Variants in GLI3 observed in about 807,000 individuals in gnomAD.
GLI3 encodes GLI family zinc finger 3.
Under a neutral mutation model 100.8 loss-of-function variants are expected in GLI3, and 20 were observed. That is an observed-to-expected ratio of 0.20 (90% CI 0.14 to 0.29). The LOEUF is 0.29. Among genes scored for constraint, GLI3 ranks in the 10% least tolerant of loss-of-function variants. GLI3 has a pLI of 1.00. For synonymous variants in GLI3, 938 were observed against 860.5 expected (o/e 1.09, Z -1.58); for missense variants, 2,040 against 2,128.5 (o/e 0.96, Z 0.82).
At chr7:42,234,149 T>C (rs998122057) in intron 1 of GLI3, among the ~76,000 whole-genome samples, 3 of 152,240 alleles carry the variant, frequency 2.0e-5, no homozygotes, top group African/African-American at 7.2e-5. Flanking sequence ...CTTGAGGATT[T>C]CATGACTCAT....
intron 2 of GLI3, among the ~76,000 whole-genome samples, chr7:42,152,914 C>T (rs1441059008): frequency 6.6e-6 from 1 of 152,134 alleles, no homozygotes; most frequent in African/African-American, 2.4e-5. Context: ...GAGTGCACAG[C>T]GACTCCTCAT....
At chr7:41,986,142 T>C (rs1332619036) in intron 10 of GLI3, among the ~76,000 whole-genome samples, 1 of 152,214 alleles carries the variant, frequency 6.6e-6, no homozygotes, top group Admixed American at 6.5e-5. Context: ...AATAAAGCAA[T>C]TTCTTATTTC....
At chr7:42,023,708 TG>T (rs1174708166) in intron 9 of GLI3, 100 bp from the exon 10 acceptor site, 209 of 1,117,752 alleles carry the variant, frequency 1.9e-4, no homozygotes, top group Non-Finnish European at 2.7e-4. Flanking sequence ...AATTTAGATT[TG>T]GGTCTAGGGT....
intron 3 of GLI3, among the ~76,000 whole-genome samples, chr7:42,098,093 C>T (rs544584088): frequency 3.9e-5 from 6 of 151,914 alleles, no homozygotes; most frequent in African/African-American, 1.5e-4. Flanking sequence ...GCCTTGACTC[C>T]CTAAAGCAGA....
chr7:42,141,294 C>A (rs1786561652), intron 3 of GLI3, among the ~76,000 whole-genome samples: 1 of 152,216 alleles, frequency 6.6e-6, no homozygotes, highest in African/African-American at 2.4e-5. Flanking sequence ...AGAGGCAGCT[C>A]TCCTGTGTTA....
At chr7:41,999,059 G>T (rs185039539) in intron 10 of GLI3, among the ~76,000 whole-genome samples, 6 of 152,182 alleles carry the variant, frequency 3.9e-5, no homozygotes, top group African/African-American at 1.4e-4. Flanking sequence ...ATGAAAAATG[G>T]ATTATTCAGA....
chr7:42,250,136 T>C (rs1432615357), intron 1 of GLI3, among the ~76,000 whole-genome samples: 1 of 152,100 alleles, frequency 6.6e-6, no homozygotes, highest in African/African-American at 2.4e-5. Flanking sequence ...CTTATCTCTT[T>C]CCTTTTTCCC....
intron 4 of GLI3, among the ~76,000 whole-genome samples, chr7:42,068,628 T>C (rs529063635): frequency 6.6e-6 from 1 of 152,300 alleles, no homozygotes; most frequent in African/African-American, 2.4e-5. Flanking sequence ...GGGGCAGGGA[T>C]GGGGATGCAA....
intron 4 of GLI3, among the ~76,000 whole-genome samples, chr7:42,066,491 T>C (rs1290833097): frequency 3.3e-5 from 5 of 152,144 alleles, no homozygotes; most frequent in Admixed American, 3.3e-4. Flanking sequence ...AAATTAAATA[T>C]GGTGCAGTGC....
intron 1 of GLI3, among the ~76,000 whole-genome samples, chr7:42,244,542 A>G (rs1337824826): frequency 6.6e-6 from 1 of 152,128 alleles, no homozygotes; most frequent in East Asian, 1.9e-4. Flanking sequence ...GAGCAACTAC[A>G]GTCAGACTTC....
intron 4 of GLI3, among the ~76,000 whole-genome samples, chr7:42,063,544 T>A (rs1396324750): frequency 6.6e-6 from 1 of 152,192 alleles, no homozygotes; most frequent in Non-Finnish European, 1.5e-5. Context: ...TACCTGGAAC[T>A]TCCTCATGAC....
chr7:42,259,767 A>C (rs753240434), intron 1 of GLI3, among the ~76,000 whole-genome samples: 11 of 152,194 alleles, frequency 7.2e-5, no homozygotes, highest in Non-Finnish European at 1.3e-4. Flanking sequence ...CCACCAAAAG[A>C]AGACATTTAG....
chr7:42,040,355 A>G (rs910508448), intron 6 of GLI3, 116 bp from the exon 7 acceptor site: 30 of 764,524 alleles, frequency 3.9e-5, no homozygotes, highest in Middle Eastern at 7.1e-4. Flanking sequence ...ACTTGCGGTG[A>G]CAAGCACCTC....
intron 10 of GLI3, among the ~76,000 whole-genome samples, chr7:42,005,982 C>T (rs975599388): frequency 1.3e-5 from 2 of 152,178 alleles, no homozygotes; most frequent in African/African-American, 4.8e-5. Flanking sequence ...GATGTTACAA[C>T]TCTTAGAACC....
intron 3 of GLI3, among the ~76,000 whole-genome samples, chr7:42,113,156 G>A (rs756618700): frequency 6.6e-6 from 1 of 152,130 alleles, no homozygotes; most frequent in African/African-American, 2.4e-5. Context: ...CAGCCTGGGC[G>A]ACAGAGCGAG....
At chr7:42,111,280 G>A (rs1297275130) in intron 3 of GLI3, among the ~76,000 whole-genome samples, 6 of 152,138 alleles carry the variant, frequency 3.9e-5, no homozygotes, top group Admixed American at 6.5e-5. Context: ...GAGTACCAGC[G>A]AACTACAGCA....
At chr7:42,108,846 A>G (rs1418433192) in intron 3 of GLI3, among the ~76,000 whole-genome samples, 2 of 152,100 alleles carry the variant, frequency 1.3e-5, no homozygotes, top group African/African-American at 4.8e-5. Context: ...CTATTTATCT[A>G]TTGCAACCAT....
intron 4 of GLI3, among the ~76,000 whole-genome samples, chr7:42,053,301 T>A (rs1256373743): frequency 6.6e-6 from 1 of 152,160 alleles, no homozygotes; most frequent in Non-Finnish European, 1.5e-5. Context: ...CCGGCCCAAT[T>A]ATTGTGTTTT....
Position 42,046,025 on chromosome 7 carries a change from A to G in GLI3, c.680-495T>C, listed in dbSNP as rs113356519. Among the ~76,000 whole-genome samples, 565 of 152,360 alleles carry G rather than the reference A, an allele frequency of 3.7e-3. 7 individuals carry two copies. Among genetic ancestry groups the G allele is most frequent in the African/African-American group, 0.012 (512 of 41,598 alleles). ...TTACCAGTATGAAAAAAGGCAGCAC[A>G]GCTTTAATAACACAACTGAATGATA... On this transcript the variant is annotated intron_variant, in intron 5 of 14. Transcript: ENST00000395925.
Sources: gnomAD v4.1 joint callset for allele counts (sites outside exome capture counted in the v4.1 genomes callset) on GRCh38, gnomAD v4.1.1 for gene constraint, MANE v1.5 for transcripts, NCBI Gene and HGNC (gene_info 2026-07-23, HGNC 2026-07-21) for gene names.